Variants in DENND1A observed in about 807,000 individuals in gnomAD.
DENND1A encodes the protein DENN domain-containing protein 1A.
Under a neutral mutation model 113.7 loss-of-function variants are expected in DENND1A, and 51 were observed. That is an observed-to-expected ratio of 0.45 (90% CI 0.36 to 0.57). The LOEUF (loss-of-function observed/expected upper bound fraction) is 0.57, where lower values mean the gene tolerates loss of function less well. Among genes scored for constraint, DENND1A ranks in the 20% least tolerant of loss-of-function variants. DENND1A has a pLI of 0.00. For synonymous variants in DENND1A, 565 were observed against 570.8 expected, an observed-to-expected ratio of 0.99 and a Z score of 0.14; for missense variants, 1,258 against 1,395.9, an observed-to-expected ratio of 0.90 and a Z score of 1.57.
intron 19 of DENND1A, among the ~76,000 whole-genome samples, chr9:123,420,403 C>T (rs746361267): frequency 3.9e-4 from 60 of 152,294 alleles, no homozygotes; most frequent in Non-Finnish European, 6.9e-4. Context: ...ACTTGCCCTC[C>T]AGAGGCGCCA....
intron 13 of DENND1A, among the ~76,000 whole-genome samples, chr9:123,477,268 G>A (rs368803772): frequency 6.6e-6 from 1 of 152,054 alleles, no homozygotes; most frequent in South Asian, 2.1e-4. Flanking sequence ...AGTGGCTCAC[G>A]CCTGTGATCC....
intron 2 of DENND1A, among the ~76,000 whole-genome samples, chr9:123,845,010 G>T (rs1320812532): frequency 2.0e-5 from 3 of 152,198 alleles, no homozygotes; most frequent in Admixed American, 1.3e-4. Context: ...CTTGAAGCCA[G>T]TAGTTCAAGA....
chr9:123,863,178 C>A (rs1296733814), intron 2 of DENND1A, among the ~76,000 whole-genome samples: 3 of 152,162 alleles, frequency 2.0e-5, no homozygotes, highest in East Asian at 1.9e-4. Flanking sequence ...GTCCAGTTTG[C>A]TTACTTTGAA....
At chr9:123,701,232 C>G (rs1176179821) in intron 5 of DENND1A, among the ~76,000 whole-genome samples, 1 of 152,100 alleles carries the variant, frequency 6.6e-6, no homozygotes, top group African/African-American at 2.4e-5. Flanking sequence ...GGGATTATCC[C>G]CACACAGAAA....
intron 10 of DENND1A, among the ~76,000 whole-genome samples, chr9:123,611,983 C>T (rs545315314): frequency 6.6e-6 from 1 of 152,262 alleles, no homozygotes; most frequent in East Asian, 1.9e-4. Context: ...GTAATTATGG[C>T]CTATCGCAGA....
At chr9:123,837,651 A>G (rs1162246236) in intron 2 of DENND1A, among the ~76,000 whole-genome samples, 5 of 152,188 alleles carry the variant, frequency 3.3e-5, no homozygotes, top group East Asian at 1.9e-4. Context: ...TAAAAGCACA[A>G]TTTGGGAGCC....
intron 13 of DENND1A, among the ~76,000 whole-genome samples, chr9:123,499,976 C>T (rs2052328350): frequency 6.6e-6 from 1 of 152,224 alleles, no homozygotes; most frequent in Non-Finnish European, 1.5e-5. Context: ...GCATGGGCTC[C>T]CTTCACACTG....
chr9:123,599,648 C>T (rs2059859134), intron 11 of DENND1A, among the ~76,000 whole-genome samples: 1 of 152,118 alleles, frequency 6.6e-6, no homozygotes, highest in Non-Finnish European at 1.5e-5. Flanking sequence ...AATGGCAGAG[C>T]TGGGATTCAA....
At chr9:123,651,899 C>T (rs1318276037) in intron 9 of DENND1A, 114 bp downstream of exon 9, 1 of 727,358 alleles carries the variant, frequency 1.4e-6, no homozygotes, top group Non-Finnish European at 2.1e-6. Flanking sequence ...GACATGCTGC[C>T]ATATAAGGGG....
chr9:123,896,083 A>G (rs1266664744), intron 1 of DENND1A, among the ~76,000 whole-genome samples: 1 of 152,170 alleles, frequency 6.6e-6, no homozygotes, highest in Non-Finnish European at 1.5e-5. Flanking sequence ...GGGTAAGCTG[A>G]GCCCAGGAAT....
At chr9:123,608,838 C>A (rs961790271) in intron 11 of DENND1A, among the ~76,000 whole-genome samples, 2 of 152,050 alleles carry the variant, frequency 1.3e-5, no homozygotes, top group African/African-American at 4.8e-5. Flanking sequence ...TGATAGGTGG[C>A]AAATTAAAAA....
chr9:123,811,168 A>C (rs1836533904), intron 2 of DENND1A, among the ~76,000 whole-genome samples: 1 of 152,182 alleles, frequency 6.6e-6, no homozygotes, highest in African/African-American at 2.4e-5. Context: ...ACATTTCTCA[A>C]AATGATGGAA....
intron 2 of DENND1A, among the ~76,000 whole-genome samples, chr9:123,850,433 T>C (rs1843174967): frequency 6.6e-6 from 1 of 152,236 alleles, no homozygotes; most frequent in Non-Finnish European, 1.5e-5. Context: ...TATTATACAA[T>C]TAATAGACAA....
chr9:123,922,050 A>G (rs1218314161), intron 1 of DENND1A, among the ~76,000 whole-genome samples: 1 of 151,952 alleles, frequency 6.6e-6, no homozygotes, highest in East Asian at 1.9e-4. Context: ...CTCCCACCTC[A>G]GCCTCCCAAG....
intron 2 of DENND1A, among the ~76,000 whole-genome samples, chr9:123,851,097 A>T (rs1260698886): frequency 6.6e-6 from 1 of 152,222 alleles, no homozygotes; most frequent in Non-Finnish European, 1.5e-5. Flanking sequence ...GAGTTTTGAC[A>T]TATGTGTACA....
chr9:123,623,871 T>C (rs1404381659), intron 10 of DENND1A, among the ~76,000 whole-genome samples: 1 of 152,184 alleles, frequency 6.6e-6, no homozygotes, highest in African/African-American at 2.4e-5. Flanking sequence ...TGGGCTCAGC[T>C]CCATTTAACA....
In DENND1A at chr9:123,381,181, G is replaced by A. The variant is rs776813772; in HGVS notation, c.*251C>T. 45 of 558,560 alleles carry A rather than the reference G, an allele frequency of 8.1e-5. No homozygotes were observed. The highest frequency in any genetic ancestry group is 4.8e-4 in the Middle Eastern group (1 of 2,104). 34.6% of individuals were successfully genotyped at this position (558,560 alleles called of 1,614,324 possible). A position where few individuals can be genotyped will look rare whatever the true frequency, so the allele number is the denominator to read the frequency against. ...AGTGCAAAACCCAATCAAGGGTGCC[G>A]AGGAGAGGCAACCGCGGGGTGGGAT... is the stretch of plus-strand genomic sequence containing the variant. On this transcript the variant is annotated 3_prime_UTR_variant, in exon 24 of 24. Transcript: ENST00000394215. The surrounding 1 kb of genome is among the most constrained non-coding windows in gnomAD (Gnocchi z 4.7).
chr9:123,826,642 C>T (rs1839373649), intron 2 of DENND1A, among the ~76,000 whole-genome samples: 1 of 152,122 alleles, frequency 6.6e-6, no homozygotes, highest in Non-Finnish European at 1.5e-5. Context: ...CACCTTGCCT[C>T]TCAGACTTGG....
chr9:123,514,065 G>GGTGTGT (rs775882728), intron 13 of DENND1A, among the ~76,000 whole-genome samples: 5,161 of 109,222 alleles, frequency 0.047, 295 homozygotes, highest in African/African-American at 0.13. Context: ...TCTATTTTGA[G>GGTGTGT]GTGTGTGTGT....
Sources: gnomAD v4.1 joint callset for allele counts (sites outside exome capture counted in the v4.1 genomes callset) on GRCh38, gnomAD v4.1.1 for gene constraint, Gnocchi (gnomAD v3.1) non-coding constraint, MANE v1.5 for transcripts, NCBI Gene and HGNC (gene_info 2026-07-23, HGNC 2026-07-21) for gene names.